ST6GALNAC3: variants seen among roughly 807,000 people sequenced by gnomAD.
ST6GALNAC3 encodes alpha-N-acetylgalactosaminide alpha-2,6-sialyltransferase 3.
In ST6GALNAC3, 25 loss-of-function variants were observed where a neutral mutation model predicts 32.7. The ratio of observed to expected loss-of-function variants is 0.76; its 90% confidence interval spans 0.56 to 1.07. ST6GALNAC3 has a LOEUF of 1.07. Ranked by LOEUF, ST6GALNAC3 falls within the 50% of genes least tolerant of loss-of-function variation. The probability of loss-of-function intolerance (pLI) is 0.00; values close to 1 mark genes in which losing one functional copy is unlikely to be tolerated. For missense variants in ST6GALNAC3, 355 were observed against 382.4 expected (o/e 0.93, Z 0.60); for synonymous variants, 129 against 133.1 (o/e 0.97, Z 0.21).
intron 1 of ST6GALNAC3, among the ~76,000 whole-genome samples, chr1:76,253,531 G>A (rs1657741564): frequency 6.6e-6 from 1 of 152,134 alleles, no homozygotes; most frequent in Admixed American, 6.6e-5. Flanking sequence ...GTTGTAAAGT[G>A]CCAGACTTCT....
chr1:76,144,452 T>A (rs550254158), intron 1 of ST6GALNAC3, among the ~76,000 whole-genome samples: 44 of 152,374 alleles, frequency 2.9e-4, no homozygotes, highest in Admixed American at 4.6e-4. Context: ...TGACAAATAT[T>A]GGAGTGTGTT....
At chr1:76,298,858 C>G (rs1325623941) in intron 1 of ST6GALNAC3, among the ~76,000 whole-genome samples, 1 of 152,018 alleles carries the variant, frequency 6.6e-6, no homozygotes, top group Admixed American at 6.6e-5. Context: ...AAAAGAATCA[C>G]AATCCACATA....
intron 1 of ST6GALNAC3, among the ~76,000 whole-genome samples, chr1:76,144,689 C>T (rs1650563813): frequency 6.6e-6 from 1 of 152,202 alleles, no homozygotes; most frequent in African/African-American, 2.4e-5. Flanking sequence ...CCCCGCTTCC[C>T]CTAATGATTC....
At chr1:76,285,414 A>G (rs3891339) in intron 1 of ST6GALNAC3, among the ~76,000 whole-genome samples, 71,684 of 149,542 alleles carry the variant, frequency 0.48, 17,331 homozygotes, top group African/African-American at 0.55. Flanking sequence ...GTGTGTGTAC[A>G]TGTGTGTGTA....
intron 1 of ST6GALNAC3, among the ~76,000 whole-genome samples, chr1:76,120,070 T>G (rs1301337080): frequency 6.6e-6 from 1 of 152,274 alleles, no homozygotes; most frequent in Non-Finnish European, 1.5e-5. Context: ...ACTCTGCATT[T>G]GGTGGGAGCT....
rs12405391 is a variant in ST6GALNAC3, at chr1:76,631,718, G to C, written c.*2912G>C. On this transcript the variant is annotated 3_prime_UTR_variant, in exon 5 of 5. Coordinates refer to ENST00000328299, the MANE Select transcript of ST6GALNAC3 (RefSeq NM_152996.4). ...AAATAAAAATATTTCAATACTATCC[G>C]TGCTTCTTGGAAAATGAACTATAAA... The C allele has an allele frequency of 1.3e-5, 2 of 151,804 alleles. No homozygotes were observed. The highest frequency in any genetic ancestry group is 2.9e-5 in the Non-Finnish European group (2 of 67,910). The allele number at this position is 151,804 out of a possible 1,614,324, so 9.4% of individuals were successfully genotyped here.
intron 1 of ST6GALNAC3, among the ~76,000 whole-genome samples, chr1:76,201,045 G>A (rs1269053272): frequency 6.6e-6 from 1 of 151,194 alleles, no homozygotes; most frequent in Non-Finnish European, 1.5e-5. Context: ...GTACCCCAAT[G>A]CAGCAGTGTG....
At chr1:76,601,225 A>G (rs12096910) in intron 3 of ST6GALNAC3, among the ~76,000 whole-genome samples, 225 of 152,146 alleles carry the variant, frequency 1.5e-3, no homozygotes, top group African/African-American at 4.8e-3. Flanking sequence ...AGGAAGGAAG[A>G]AAGGAAGGAA....
At chr1:76,535,832 T>C (rs1663560214) in intron 3 of ST6GALNAC3, among the ~76,000 whole-genome samples, 1 of 151,956 alleles carries the variant, frequency 6.6e-6, no homozygotes, top group African/African-American at 2.4e-5. Flanking sequence ...TTTCTCTAGG[T>C]CGAGAGGTAA....
rs533471751 is a variant in ST6GALNAC3, at chr1:76,377,514, T to C, written c.214-34494T>C. Among the ~76,000 whole-genome samples the C allele has an allele frequency of 2.4e-4, 37 of 152,070 alleles. No homozygotes were observed. The South Asian group carries it at 7.5e-3, about 31-fold the overall frequency. ...CTACATACTTCCAAATAACCAAATCTTGTGAGAACTGTACCATGAGAACAG... is the reference window on the plus strand; with the variant it reads ...CTACATACTTCCAAATAACCAAATCCTGTGAGAACTGTACCATGAGAACAG... On this transcript the variant is annotated intron_variant, in intron 2 of 4. Coordinates refer to ENST00000328299, the MANE Select transcript of ST6GALNAC3 (RefSeq NM_152996.4).
intron 3 of ST6GALNAC3, among the ~76,000 whole-genome samples, chr1:76,580,153 A>G (rs1206252111): frequency 6.6e-6 from 1 of 152,094 alleles, no homozygotes; most frequent in Non-Finnish European, 1.5e-5. Flanking sequence ...TTTTACTATC[A>G]TGAAGAACAC....
intron 3 of ST6GALNAC3, among the ~76,000 whole-genome samples, chr1:76,623,007 G>A (rs1025894869): frequency 6.6e-6 from 1 of 152,020 alleles, no homozygotes; most frequent in Admixed American, 6.6e-5. Context: ...GCAAATGAAG[G>A]TTGCTGACAG....
chr1:76,158,741 G>A (rs1257316818), intron 1 of ST6GALNAC3, among the ~76,000 whole-genome samples: 5 of 152,120 alleles, frequency 3.3e-5, no homozygotes, highest in Non-Finnish European at 5.9e-5. Context: ...AATTGTCAGG[G>A]AATAAGTACC....
rs1222045933 is a variant in ST6GALNAC3 at position 76,629,502 on chromosome 1, C to G, written c.*696C>G. 2 of 984,730 alleles carry G rather than the reference C, an allele frequency of 2.0e-6. No individual in the cohort carries two copies. Among genetic ancestry groups the G allele is most frequent in the Non-Finnish European group, 2.4e-6 (2 of 829,134 alleles). The allele number at this position is 984,730 out of a possible 1,614,324, so 61.0% of individuals were successfully genotyped here. A position where few individuals can be genotyped will look rare whatever the true frequency, so the allele number is the denominator to read the frequency against. On this transcript the variant is annotated 3_prime_UTR_variant, in exon 5 of 5. Transcript: ENST00000328299. Reference sequence around the variant, plus strand: ...TTGATGAATTTCCACTCTTACCATCCATTCTTACTACCAACAGTATAACTG... The same window carrying G: ...TTGATGAATTTCCACTCTTACCATCGATTCTTACTACCAACAGTATAACTG...
At chr1:76,241,471 T>A (rs1656963727) in intron 1 of ST6GALNAC3, among the ~76,000 whole-genome samples, 1 of 152,084 alleles carries the variant, frequency 6.6e-6, no homozygotes, top group Non-Finnish European at 1.5e-5. Flanking sequence ...ATGAAAACAG[T>A]GAGAACTCAC....
At chr1:76,274,931 G>T (rs2100766160) in intron 1 of ST6GALNAC3, among the ~76,000 whole-genome samples, 1 of 152,246 alleles carries the variant, frequency 6.6e-6, no homozygotes, top group East Asian at 1.9e-4. Context: ...CTAGAAGTTG[G>T]AAAAATGTCA....
intron 1 of ST6GALNAC3, among the ~76,000 whole-genome samples, chr1:76,246,243 T>G (rs191553301): frequency 2.2e-4 from 34 of 152,304 alleles, no homozygotes; most frequent in Admixed American, 9.2e-4. Context: ...TGCTTTTTTT[T>G]GGGCTTTCCA....
chr1:76,487,368 A>G (rs1660192846), intron 3 of ST6GALNAC3, among the ~76,000 whole-genome samples: 1 of 152,152 alleles, frequency 6.6e-6, no homozygotes, highest in Non-Finnish European at 1.5e-5. Flanking sequence ...TACACCAATC[A>G]GACATAGATT....
Position 76,412,131 on chromosome 1 carries a change from A to G in ST6GALNAC3, c.337A>G (p.Lys113Glu). Residue 113 changes from lysine (K) to glutamate (E), a missense_variant, in exon 3 of 5, where the codon AAA becomes GAA. By Grantham distance (56) the Lys-to-Glu change is moderately conservative (BLOSUM62 1). Coordinates refer to ENST00000328299, the MANE Select transcript of ST6GALNAC3 (RefSeq NM_152996.4). ...CIWRMNNAPT[K>E]GYEEDVGRMT... Reference sequence around the variant, plus strand: ...TTGGAGAATGAACAATGCCCCCACCAAAGGTTATGAAGAAGATGTCGGCCG... The same window carrying G: ...TTGGAGAATGAACAATGCCCCCACCGAAGGTTATGAAGAAGATGTCGGCCG... 8 of 1,613,784 alleles carry G rather than the reference A, an allele frequency of 5.0e-6. No individual in the cohort carries two copies. Among genetic ancestry groups the G allele is most frequent in the Non-Finnish European group, 6.8e-6 (8 of 1,179,820 alleles).
Sources: gnomAD v4.1 joint callset for allele counts (sites outside exome capture counted in the v4.1 genomes callset) on GRCh38, gnomAD v4.1.1 for gene constraint, MANE v1.5 for transcripts, NCBI Gene and HGNC (gene_info 2026-07-23, HGNC 2026-07-21) for gene names.